Variants in RIN2 observed in about 807,000 individuals in gnomAD.
RIN2 encodes the protein RAB5 interacting protein 2.
A neutral mutation model predicts 78.0 loss-of-function variants in RIN2; 36 were observed. The observed-to-expected ratio is 0.46, with a 90% confidence interval of 0.35 to 0.61. The LOEUF is 0.61. Among genes scored for constraint, RIN2 ranks in the 20% least tolerant of loss-of-function variants. The pLI, the probability that RIN2 is intolerant of heterozygous loss-of-function variation, is 0.00. For missense variants in RIN2, 1,087 were observed against 1,159.7 expected (o/e 0.94, Z 0.91); for synonymous variants, 466 against 466.8 (o/e 1.00, Z 0.02).
intron 2 of RIN2, among the ~76,000 whole-genome samples, chr20:19,820,151 T>C (rs1387171759): frequency 6.6e-6 from 1 of 152,242 alleles, no homozygotes; most frequent in Non-Finnish European, 1.5e-5. Context: ...ACATCAACAT[T>C]GGTTTTTACT....
intron 9 of RIN2, among the ~76,000 whole-genome samples, chr20:19,985,281 C>T (rs888227499): frequency 3.9e-5 from 6 of 152,148 alleles, no homozygotes; most frequent in African/African-American, 1.2e-4. Flanking sequence ...AGGAGTGAAT[C>T]AATTCTTGGA....
chr20:19,998,480 G>A (rs2043041576), intron 12 of RIN2, among the ~76,000 whole-genome samples: 1 of 152,040 alleles, frequency 6.6e-6, no homozygotes, highest in Non-Finnish European at 1.5e-5. Context: ...GCGTAGTGGT[G>A]CACACCTGTA....
chr20:19,821,699 C>G (rs2035932458), intron 2 of RIN2, among the ~76,000 whole-genome samples: 2 of 152,118 alleles, frequency 1.3e-5, no homozygotes, highest in South Asian at 4.1e-4. Context: ...CTTCGTCTGC[C>G]TACTCATCCT....
Position 19,990,151 on chromosome 20 carries a change from G to A in RIN2, c.1908G>A (p.Pro636=), listed in dbSNP as rs374436404. Residue 636 remains proline (P), a synonymous_variant, in exon 10 of 13, where the codon CCG becomes CCA. Coordinates refer to ENST00000255006, the MANE Select transcript of RIN2 (RefSeq NM_018993.4). ...ENLQLVRQRN[P]QELGVFAPTP... ...TGCAGCTTGTGCGGCAGAGGAATCCGCAGGAGCTGGGGGTCTTCGCCCCGA... is the reference window on the plus strand; with the variant it reads ...TGCAGCTTGTGCGGCAGAGGAATCCACAGGAGCTGGGGGTCTTCGCCCCGA... 28 of 1,603,092 alleles carry A rather than the reference G, an allele frequency of 1.7e-5. No individual in the cohort carries two copies. Among genetic ancestry groups the A allele is most frequent in the African/African-American group, 9.4e-5 (7 of 74,764 alleles).
intron 2 of RIN2, chr20:19,809,483 C>G (rs1024646091): frequency 1.3e-5 from 2 of 152,298 alleles, no homozygotes; most frequent in African/African-American, 4.8e-5. Context: ...AGCGTCCCAG[C>G]CACAAGTCCT....
Position 19,974,689 on chromosome 20 carries a change from A to G in RIN2, c.664A>G (p.Asn222Asp). The change falls in exon 9 of 13, where the codon AAC becomes GAC. Residue 222 changes from asparagine (N) to aspartate (D), a missense_variant. By Grantham distance (23) the Asn-to-Asp change is conservative. Coordinates refer to ENST00000255006, the MANE Select transcript of RIN2 (RefSeq NM_018993.4). ...WSSPADSKPP[N>D]LPPPHRPLSS... ...CTCCCCAGCTGACAGCAAACCCCCG[A>G]ACCTTCCACCTCCCCATAGGCCTCT... 1 of 1,613,680 alleles carries G rather than the reference A, an allele frequency of 6.2e-7. No homozygotes were observed. Among genetic ancestry groups the G allele is most frequent in the Non-Finnish European group, 8.5e-7 (1 of 1,179,684 alleles).
intron 4 of RIN2, among the ~76,000 whole-genome samples, chr20:19,954,231 T>G (rs1336737548): frequency 6.6e-6 from 1 of 152,226 alleles, no homozygotes; most frequent in African/African-American, 2.4e-5. Context: ...TAATTTCCTT[T>G]TTATAACTCA....
intron 1 of RIN2, among the ~76,000 whole-genome samples, chr20:19,782,967 G>A (rs1429399041): frequency 6.6e-6 from 1 of 152,214 alleles, no homozygotes; most frequent in Non-Finnish European, 1.5e-5. Flanking sequence ...TTTGGACAGT[G>A]AGTGTCTGAA....
Position 19,874,218 on chromosome 20 carries a change from G to A in RIN2, c.-36-15348G>A, listed in dbSNP as rs1365281134. ...ACTCTGTTCAGGCTTGAGTTATAGTGCTGTTGACTATGACTTCAGTGTCAA... is the reference window on the plus strand; with the variant it reads ...ACTCTGTTCAGGCTTGAGTTATAGTACTGTTGACTATGACTTCAGTGTCAA... On this transcript the variant is annotated intron_variant, in intron 2 of 12. Transcript: ENST00000255006. Among the ~76,000 whole-genome samples the A allele has an allele frequency of 3.3e-5, 5 of 152,152 alleles. No individual in the cohort carries two copies. In the South Asian group the frequency reaches 8.3e-4, roughly 25 times the overall value.
intron 3 of RIN2, among the ~76,000 whole-genome samples, chr20:19,922,971 G>A (rs1034942829): frequency 2.0e-5 from 3 of 152,076 alleles, no homozygotes; most frequent in South Asian, 2.1e-4. Context: ...GTGAACTCTC[G>A]GCAACCTTGG....
chr20:19,996,636 G>A (rs775073118), intron 11 of RIN2, 43 bp from the exon 12 acceptor site: 41 of 1,605,996 alleles, frequency 2.6e-5, no homozygotes, highest in Admixed American at 2.5e-4. Flanking sequence ...ACCCGTGAGC[G>A]GAGGTTGGCA....
intron 9 of RIN2, among the ~76,000 whole-genome samples, chr20:19,986,765 C>T (rs2042635609): frequency 6.6e-6 from 1 of 152,206 alleles, no homozygotes; most frequent in African/African-American, 2.4e-5. Flanking sequence ...AAAATCTCAT[C>T]CAGGTCTTTA....
At chr20:19,933,848 G>A (rs1177200684) in intron 3 of RIN2, among the ~76,000 whole-genome samples, 5 of 152,146 alleles carry the variant, frequency 3.3e-5, no homozygotes, top group South Asian at 2.1e-4. Context: ...TCACTCTGTC[G>A]CCCAGGCTGG....
chr20:19,811,717 C>A (rs2035606819), intron 2 of RIN2, among the ~76,000 whole-genome samples: 1 of 152,086 alleles, frequency 6.6e-6, no homozygotes, highest in South Asian at 2.1e-4. Flanking sequence ...TGGACACAAT[C>A]ATACAGCGAA....
chr20:19,940,266 C>A (rs748512263), intron 4 of RIN2, among the ~76,000 whole-genome samples: 1 of 152,154 alleles, frequency 6.6e-6, no homozygotes, highest in Non-Finnish European at 1.5e-5. Flanking sequence ...GCATAGAGCA[C>A]GCACTCGCAA....
chr20:19,994,693 C>T (rs540123641), intron 11 of RIN2, among the ~76,000 whole-genome samples: 3 of 152,212 alleles, frequency 2.0e-5, no homozygotes, highest in Admixed American at 6.5e-5. Context: ...ACCCTCCATA[C>T]GGCCTTTCCT....
chr20:19,804,593 G>T (rs1044114387), intron 2 of RIN2, among the ~76,000 whole-genome samples: 2 of 152,164 alleles, frequency 1.3e-5, no homozygotes, highest in Non-Finnish European at 2.9e-5. Flanking sequence ...TGCTGGATTT[G>T]GTTTGCCAGT....
In RIN2 at chr20:19,765,492, CAT is replaced by C. The variant is rs563626377; in HGVS notation, c.-163+7166_-163+7167del. On this transcript the variant is annotated intron_variant, in intron 1 of 12. Coordinates refer to ENST00000255006, the MANE Select transcript of RIN2 (RefSeq NM_018993.4). ...GCTGGCTCAAAGGTTCATTTGCACT[CAT>C]GTGTGTAGGCGCTCCTTTAGGATTC... is the stretch of plus-strand genomic sequence containing the variant. 3.3e-4 allele frequency among the ~76,000 whole-genome samples: 51 copies of C among 152,264 alleles called. No individual in the cohort carries two copies. In the South Asian group the frequency reaches 8.1e-3, roughly 24 times the overall value.
chr20:19,887,259 A>G (rs894767235), intron 2 of RIN2, among the ~76,000 whole-genome samples: 9 of 151,918 alleles, frequency 5.9e-5, no homozygotes, highest in Non-Finnish European at 1.5e-5. Context: ...GCTGGATTCA[A>G]GTGATTCTCC....
Sources: gnomAD v4.1 joint callset for allele counts (sites outside exome capture counted in the v4.1 genomes callset) on GRCh38, gnomAD v4.1.1 for gene constraint, MANE v1.5 for transcripts, NCBI Gene and HGNC (gene_info 2026-07-23, HGNC 2026-07-21) for gene names.